Variants in CNKSR2 observed in about 807,000 individuals in gnomAD.
CNKSR2 encodes CNK homolog protein 2.
CNKSR2 carries 14 observed loss-of-function variants against 84.4 expected under a neutral mutation model. That is an observed-to-expected ratio of 0.17 (90% CI 0.11 to 0.26). CNKSR2 has a LOEUF of 0.26. Ranked by LOEUF, CNKSR2 falls within the 10% of genes least tolerant of loss-of-function variation. The probability of loss-of-function intolerance (pLI) is 1.00; values close to 1 mark genes in which losing one functional copy is unlikely to be tolerated. For missense variants in CNKSR2, 485 were observed against 771.2 expected (o/e 0.63, Z 4.40); for synonymous variants, 275 against 277.9 (o/e 0.99, Z 0.10).
chrX:21,488,741 G>A (rs1018438867), intron 5 of CNKSR2, among the ~76,000 whole-genome samples: 1 of 111,412 alleles, frequency 9.0e-6, no homozygotes, highest in Non-Finnish European at 1.9e-5. Flanking sequence ...CTGTTGTGAG[G>A]GGAAAATAAA....
At position 21,642,498 on chromosome X, in the gene CNKSR2, A is replaced by G. The variant is rs779666121; in HGVS notation, c.2693-6333A>G. The G allele has an allele frequency of 9.2e-5, 69 of 750,737 alleles. No homozygotes were observed. In the Middle Eastern group the frequency reaches 2.3e-3, roughly 25 times the overall value. The allele number at this position is 750,737 out of a possible 1,213,427, so 61.9% of individuals were successfully genotyped here. On this transcript the variant is annotated intron_variant, in intron 20 of 21. Coordinates refer to ENST00000379510, the MANE Select transcript of CNKSR2 (RefSeq NM_014927.5). ...AACTGGGTCCCCTATGGCTCAATCA[A>G]TATTGCTTATTTTTCTTCTGTAGTG...
intron 4 of CNKSR2, among the ~76,000 whole-genome samples, chrX:21,466,100 A>G (rs1204317087): frequency 8.9e-6 from 1 of 112,135 alleles, no homozygotes; most frequent in African/African-American, 3.2e-5. Flanking sequence ...AAAAGAAGAA[A>G]TGAATTTTTT....
chrX:21,411,017 G>T (rs1169276070), intron 1 of CNKSR2, among the ~76,000 whole-genome samples: 1 of 110,530 alleles, frequency 9.0e-6, no homozygotes, highest in Non-Finnish European at 1.9e-5. Flanking sequence ...TGTTTCTGCA[G>T]TACTTTTATA....
intron 11 of CNKSR2, among the ~76,000 whole-genome samples, chrX:21,537,519 G>A (rs898437377): frequency 8.1e-5 from 9 of 110,959 alleles, no homozygotes; most frequent in African/African-American, 2.9e-4. Context: ...CTCTAGTAAG[G>A]TTTGCTTTAT....
chrX:21,434,603 A>G (rs778546350), intron 3 of CNKSR2, among the ~76,000 whole-genome samples: 1 of 111,845 alleles, frequency 8.9e-6, no homozygotes, highest in Non-Finnish European at 1.9e-5. Context: ...TAGATGAAGA[A>G]TAAAAATTTT....
rs1307433409 is a variant in CNKSR2, at chrX:21,595,413, A to G, written c.1976+18A>G. On this transcript the variant is annotated intron_variant, in intron 17 of 21. Transcript: ENST00000379510. The stretch of plus-strand genomic sequence containing the variant: ...ATGAACAGGTAAAGTATTTCAGAGT[A>G]TGTAGAAGGTCAGTGAGGCCTAGAA... The G allele has an allele frequency of 2.0e-6, 2 of 1,012,902 alleles. No individual in the cohort carries two copies. The highest frequency in any genetic ancestry group is 4.8e-5 in the Admixed American group (2 of 41,310). The allele number at this position is 1,012,902 out of a possible 1,213,427, so 83.5% of individuals were successfully genotyped here.
chrX:21,392,992 A>T (rs1314933014), intron 1 of CNKSR2, among the ~76,000 whole-genome samples: 2 of 112,102 alleles, frequency 1.8e-5, no homozygotes, highest in Non-Finnish European at 3.8e-5. Context: ...TAAAAAGCTC[A>T]GTCTTTGGTA....
In CNKSR2 at chrX:21,609,594, C is replaced by A. The variant is rs2092539397; in HGVS notation, c.2669C>A (p.Ala890Glu). The change falls in exon 20 of 22, where the codon GCA becomes GAA. Residue 890 changes from alanine to glutamate, a missense_variant. Physicochemically the swap from Ala to Glu is moderately radical, Grantham distance 107. Around this residue, in one of 5 missense-constraint regions of CNKSR2, gnomAD observed 210 missense variants for 291.5 expected, o/e 0.72. Transcript: ENST00000379510. ...GAGGAGGAGGAGGAAGGGGAGGCAG[C>A]AGGGGAAAACATAGGAGAAAAAAGT... Reference protein sequence around the residue: ...EEEEEEEGEAAGENIGEKSES... With the variant: ...EEEEEEEGEAEGENIGEKSES... The A allele has an allele frequency of 1.7e-6, 2 of 1,199,847 alleles. No homozygotes were observed. Among genetic ancestry groups the A allele is most frequent in the Non-Finnish European group, 1.1e-6 (1 of 891,575 alleles).
intron 13 of CNKSR2, among the ~76,000 whole-genome samples, chrX:21,570,809 A>G (rs2092278694): frequency 8.9e-6 from 1 of 112,076 alleles, no homozygotes; most frequent in South Asian, 3.7e-4. Flanking sequence ...CAGACACAAC[A>G]TTTATTAAGT....
intron 3 of CNKSR2, among the ~76,000 whole-genome samples, chrX:21,438,064 A>G (rs1266034032): frequency 1.8e-5 from 2 of 112,205 alleles, no homozygotes; most frequent in African/African-American, 6.5e-5. Context: ...AAGAGAGCCT[A>G]TAATACACTG....
intron 1 of CNKSR2, among the ~76,000 whole-genome samples, chrX:21,414,674 G>A (rs1342333305): frequency 1.8e-5 from 2 of 111,755 alleles, no homozygotes; most frequent in Non-Finnish European, 3.8e-5. Context: ...ATGTTTTCTG[G>A]TAGTAGTTTC....
At chrX:21,489,027 A>C (rs2091414990) in intron 5 of CNKSR2, among the ~76,000 whole-genome samples, 1 of 111,323 alleles carries the variant, frequency 9.0e-6, no homozygotes, top group African/African-American at 3.3e-5. Context: ...AGCCAGACTA[A>C]ATTTTGTATT....
intron 20 of CNKSR2, among the ~76,000 whole-genome samples, chrX:21,646,516 C>T (rs1018758950): frequency 2.7e-5 from 3 of 111,636 alleles, no homozygotes; most frequent in African/African-American, 9.8e-5. Flanking sequence ...TGAGGGAAAA[C>T]TGGGTCAAAA....
At chrX:21,422,782 A>T (rs2090515690) in intron 1 of CNKSR2, among the ~76,000 whole-genome samples, 1 of 111,477 alleles carries the variant, frequency 9.0e-6, no homozygotes. Context: ...TATTCCAATT[A>T]CCCTGTTTTT....
At chrX:21,466,707 TC>T (rs2091132458) in intron 4 of CNKSR2, among the ~76,000 whole-genome samples, 1 of 110,737 alleles carries the variant, frequency 9.0e-6, no homozygotes, top group African/African-American at 3.3e-5. Flanking sequence ...ACCTCAGCCT[TC>T]CGAGTAGCTG....
intron 1 of CNKSR2, among the ~76,000 whole-genome samples, chrX:21,410,127 C>A (rs777887789): frequency 1.6e-4 from 17 of 109,216 alleles, no homozygotes; most frequent in Admixed American, 5.9e-4. Flanking sequence ...AAAATCAAGT[C>A]TCTTTTTGCC....
chrX:21,566,046 T>G (rs189844736), intron 13 of CNKSR2, among the ~76,000 whole-genome samples: 150 of 112,158 alleles, frequency 1.3e-3, no homozygotes, highest in African/African-American at 3.8e-3. Flanking sequence ...GCTTTGTGCA[T>G]GGTACACATT....
intron 20 of CNKSR2, among the ~76,000 whole-genome samples, chrX:21,625,706 T>C (rs184998370): frequency 1.8e-5 from 2 of 112,038 alleles, no homozygotes; most frequent in African/African-American, 3.2e-5. Context: ...CAAGCAGTGC[T>C]AGAAATAGCA....
At position 21,632,646 on chromosome X, in the gene CNKSR2, A is replaced by C. The variant is rs146420498; in HGVS notation, c.2693-16185A>C. On this transcript the variant is annotated intron_variant, in intron 20 of 21. Coordinates refer to ENST00000379510, the MANE Select transcript of CNKSR2 (RefSeq NM_014927.5). The stretch of plus-strand genomic sequence containing the variant: ...ACAATATTCCTAAATAGTAGTTCAC[A>C]CATTTAATGTTCACTTGATGGTGGG... 4.8e-4 allele frequency among the ~76,000 whole-genome samples: 54 copies of C among 112,003 alleles called. 1 individual carries two copies. The East Asian group carries it at 0.014, about 28-fold the overall frequency.
Sources: gnomAD v4.1 joint callset for allele counts (sites outside exome capture counted in the v4.1 genomes callset) on GRCh38, gnomAD v4.1.1 for gene constraint, gnomAD v4.1.1 regional missense constraint, MANE v1.5 for transcripts, NCBI Gene and HGNC (gene_info 2026-07-23, HGNC 2026-07-21) for gene names.